Variants in ETV7 observed in about 807,000 individuals in gnomAD.
ETV7 encodes the protein ETS variant transcription factor 7.
Under a neutral mutation model 39.1 loss-of-function variants are expected in ETV7, and 43 were observed. The observed-to-expected ratio is 1.10, with a 90% CI of 0.86 to 1.42. The LOEUF (loss-of-function observed/expected upper bound fraction) is 1.42, where lower values mean the gene tolerates loss of function less well. Among genes scored for constraint, ETV7 ranks in the 40% most tolerant of loss-of-function variants. ETV7 has a pLI of 0.00. For missense variants in ETV7, 432 were observed against 442.3 expected (o/e 0.98, Z 0.21); for synonymous variants, 196 against 176.6 (o/e 1.11, Z -0.87).
At chr6:36,365,227 A>G (rs1772673473), downstream of ETV7, among the ~76,000 whole-genome samples, 1 of 152,172 alleles carries the variant, frequency 6.6e-6, no homozygotes, top group Non-Finnish European at 1.5e-5. Flanking sequence ...TTGCAAGGGC[A>G]GAGGCTCTGG....
At position 36,373,466 on chromosome 6, in the gene ETV7, T is replaced by A. The variant is rs60760162; in HGVS notation, c.420A>T (p.Pro140=). 19,489 of 1,567,490 alleles carry A rather than the reference T, an allele frequency of 0.012. 639 individuals carry two copies. The highest frequency in any genetic ancestry group is 0.11 in the East Asian group (4,298 of 40,866). Residue 140 remains proline (P), a synonymous_variant, in exon 4 of 8, where the codon CCA becomes CCT. Transcript: ENST00000340181. ...GAGCTTCCTCACCTTCCGGGGGGACTGGAGAGTGCTGGGTGGGCGTCTTCA... is the reference window on the plus strand; with the variant it reads ...GAGCTTCCTCACCTTCCGGGGGGACAGGAGAGTGCTGGGTGGGCGTCTTCA... ...FRLKTPTQHS[P]VPPEEVTGPS...
intron 7 of ETV7, among the ~76,000 whole-genome samples, chr6:36,361,066 C>T (rs1772475505): frequency 6.6e-6 from 1 of 152,182 alleles, no homozygotes; most frequent in African/African-American, 2.4e-5. Context: ...CCATCACTCC[C>T]CATCCCCAGT....
At chr6:36,383,759 G>A (rs999254759) in intron 2 of ETV7, among the ~76,000 whole-genome samples, 1 of 152,204 alleles carries the variant, frequency 6.6e-6, no homozygotes, top group African/African-American at 2.4e-5. Context: ...AAACTGTCAG[G>A]TATTTACTAA....
At chr6:36,385,054 C>G (rs941605571) in intron 2 of ETV7, among the ~76,000 whole-genome samples, 1 of 151,928 alleles carries the variant, frequency 6.6e-6, no homozygotes, top group Non-Finnish European at 1.5e-5. Context: ...AAATTTTGGC[C>G]AGACACAGTG....
At chr6:36,363,253 C>T (rs1418032623), downstream of ETV7, among the ~76,000 whole-genome samples, 1 of 152,182 alleles carries the variant, frequency 6.6e-6, no homozygotes, top group Non-Finnish European at 1.5e-5. Context: ...TTCTGATGTT[C>T]CGACGTGTTC....
downstream of ETV7, among the ~76,000 whole-genome samples, chr6:36,363,329 G>A (rs187235527): frequency 2.2e-3 from 335 of 151,548 alleles, 1 homozygote; most frequent in Middle Eastern, 0.01. Flanking sequence ...AGACCTTCGC[G>A]GTGAGTGTTA....
chr6:36,386,216 T>C (rs1773889626), intron 1 of ETV7, among the ~76,000 whole-genome samples: 1 of 152,088 alleles, frequency 6.6e-6, no homozygotes, highest in Non-Finnish European at 1.5e-5. Context: ...TAATCCCAGC[T>C]ACTCAGGAGG....
chr6:36,386,289 C>T (rs1425556694), intron 1 of ETV7, among the ~76,000 whole-genome samples: 1 of 152,216 alleles, frequency 6.6e-6, no homozygotes, highest in Non-Finnish European at 1.5e-5. Context: ...GATCACGCCA[C>T]TGCACTCCAG....
At position 36,356,323 on chromosome 6, in the gene ETV7, C is replaced by CAAAAAAAAAAAA. The variant is rs59649348; in HGVS notation, c.909-1648_909-1637dup. ...TGGGTAAAAGAGTGAGACCCTGTCT[C>CAAAAAAAAAAAA]AAAAAAAAAAAAAAAACAAAAAAAA... On this transcript the variant is annotated intron_variant, in intron 7 of 7. Coordinates refer to the ETV7 transcript ENST00000339796. Among the ~76,000 whole-genome samples, 86 of 77,546 alleles carry CAAAAAAAAAAAA rather than the reference C, an allele frequency of 1.1e-3. 2 individuals are homozygous for CAAAAAAAAAAAA. Among genetic ancestry groups the CAAAAAAAAAAAA allele is most frequent in the Non-Finnish European group, 2.1e-3 (73 of 34,500 alleles). The allele number at this position is 77,546 out of a possible 152,430, so 50.9% of individuals were successfully genotyped here. A position where few individuals can be genotyped will look rare whatever the true frequency, so the allele number is the denominator to read the frequency against.
intron 3 of ETV7, 109 bp from the exon 4 acceptor site, chr6:36,373,687 C>T (rs1773160645): frequency 7.7e-7 from 1 of 1,297,300 alleles, no homozygotes; most frequent in African/African-American, 1.6e-5. Context: ...CATGTCTTGT[C>T]ACAGCTTCAT....
chr6:36,376,837 C>T (rs1296744598), intron 2 of ETV7, among the ~76,000 whole-genome samples: 1 of 151,908 alleles, frequency 6.6e-6, no homozygotes, highest in Non-Finnish European at 1.5e-5. Context: ...CAGTGAGGCT[C>T]CCAGAGGTTA....
chr6:36,381,495 A>G (rs1458315496), intron 2 of ETV7, among the ~76,000 whole-genome samples: 1 of 152,234 alleles, frequency 6.6e-6, no homozygotes, highest in East Asian at 1.9e-4. Flanking sequence ...AATGGCCTTT[A>G]TTCTGATGAT....
rs781252130 is a variant in ETV7 at position 36,371,524 on chromosome 6, C to G, written c.470G>C (p.Gly157Ala). The G allele has an allele frequency of 5.0e-6, 8 of 1,603,040 alleles. No individual in the cohort carries two copies. The African/African-American group carries it at 9.3e-5, about 19-fold the overall frequency. Residue 157 changes from glycine to alanine, a missense_variant, in exon 5 of 8, where the codon GGC becomes GCC. Transcript: ENST00000340181. Reference protein sequence around the residue: ...TGPSQMDTRRGHLLQPPDPGL... With the variant: ...TGPSQMDTRRAHLLQPPDPGL... ...TGGGTCTGGTGGCTGCAGCAGGTGGCCCCTTCGGGTGTCCATCTGAGAGGG... is the reference window on the plus strand; with the variant it reads ...TGGGTCTGGTGGCTGCAGCAGGTGGGCCCTTCGGGTGTCCATCTGAGAGGG...
chr6:36,371,658 C>T, intron 4 of ETV7, 98 bp from the exon 5 acceptor site: 2 of 1,054,210 alleles, frequency 1.9e-6, no homozygotes, highest in Non-Finnish European at 2.8e-6. Flanking sequence ...TGGGGCAGCA[C>T]TCCTGATGCT....
downstream of ETV7, among the ~76,000 whole-genome samples, chr6:36,361,408 T>C (rs970443160): frequency 6.6e-6 from 1 of 152,244 alleles, no homozygotes; most frequent in Non-Finnish European, 1.5e-5. Flanking sequence ...TGTGTGTCTC[T>C]ACAAACCTTT....
chr6:36,363,935 G>C (rs1283987078), downstream of ETV7, among the ~76,000 whole-genome samples: 1 of 150,938 alleles, frequency 6.6e-6, no homozygotes, highest in Non-Finnish European at 1.5e-5. Flanking sequence ...GCCGATTGGT[G>C]TATTTACAAT....
At chr6:36,365,758 G>A (rs140795265), downstream of ETV7, among the ~76,000 whole-genome samples, 466 of 152,270 alleles carry the variant, frequency 3.1e-3, 5 homozygotes, top group South Asian at 0.025. Context: ...GTGGAGAGGC[G>A]GGCCAGCTCC....
intron 4 of ETV7, 59 bp from the exon 5 acceptor site, chr6:36,371,619 A>C: frequency 1.4e-6 from 2 of 1,396,220 alleles, no homozygotes; most frequent in Non-Finnish European, 2.0e-6. Flanking sequence ...CCCCAACTCA[A>C]TCCCTCAATG....
At chr6:36,379,214 C>T (rs1330780813) in intron 2 of ETV7, among the ~76,000 whole-genome samples, 1 of 152,202 alleles carries the variant, frequency 6.6e-6, no homozygotes, top group Non-Finnish European at 1.5e-5. Flanking sequence ...TCCCCTAGTT[C>T]ACCATATTGG....
Sources: allele counts gnomAD v4.1 joint callset (sites outside exome capture counted in the v4.1 genomes callset), GRCh38; gene constraint gnomAD v4.1.1; transcripts MANE v1.5; gene names NCBI Gene and HGNC (gene_info 2026-07-23, HGNC 2026-07-21).